The following SAMD11 variants were observed in gnomAD, a reference collection of about 807,000 sequenced individuals.
SAMD11 encodes the protein sterile alpha motif domain-containing protein 11.
A neutral mutation model predicts 64.4 loss-of-function variants in SAMD11; 77 were observed. The ratio of observed to expected loss-of-function variants is 1.20; its 90% CI spans 0.99 to 1.44. The LOEUF is 1.44. Ranked by LOEUF, SAMD11 falls within the 40% of genes most tolerant of loss-of-function variation. The probability of loss-of-function intolerance (pLI) is 0.00; values close to 1 mark genes in which losing one functional copy is unlikely to be tolerated. For synonymous variants in SAMD11, 658 were observed against 421.9 expected (o/e 1.56, Z -6.86); for missense variants, 1,402 against 943.3 (o/e 1.49, Z -6.37).
chr1:937,236 G>A (rs114890122), intron 5 of SAMD11, among the ~76,000 whole-genome samples: 3,674 of 152,150 alleles, frequency 0.024, 142 homozygotes, highest in African/African-American at 0.083. Context: ...TTCCCAGCCC[G>A]GGCCCTCCCG....
intron 5 of SAMD11, among the ~76,000 whole-genome samples, chr1:938,338 G>T (rs1366285689): frequency 1.3e-5 from 2 of 152,164 alleles, no homozygotes; most frequent in South Asian, 2.1e-4. Flanking sequence ...CTAGGGCTGG[G>T]CTGGCCTCGT....
chr1:942,049 A>G (rs1470354375), intron 8 of SAMD11, 87 bp from the exon 9 acceptor site: 1 of 447,788 alleles, frequency 2.2e-6, no homozygotes, highest in Non-Finnish European at 4.0e-6. Context: ...GGGGCCGGCA[A>G]TTAGCGGAGG....
rs564948160 is a variant in SAMD11, at chr1:930,428, G to A, written c.791+92G>A. ...CTGCTCAGATGAGAGTGTCCACACC[G>A]GCCTCCCACACCTTCCCTCAGATGC... On this transcript the variant is annotated intron_variant, in intron 3 of 13. Coordinates refer to ENST00000616016, the MANE Select transcript of SAMD11 (RefSeq NM_001385641.1). 304 of 1,342,752 alleles carry A rather than the reference G, an allele frequency of 2.3e-4. 1 individual carries two copies. The African/African-American group carries it at 4.1e-3, about 18-fold the overall frequency. The allele number at this position is 1,342,752 out of a possible 1,614,324, so 83.2% of individuals were successfully genotyped here. A position where few individuals can be genotyped will look rare whatever the true frequency, so the allele number is the denominator to read the frequency against.
At chr1:928,219 CG>C (rs759347561) in intron 2 of SAMD11, among the ~76,000 whole-genome samples, 1 of 152,012 alleles carries the variant, frequency 6.6e-6, no homozygotes, top group Non-Finnish European at 1.5e-5. Flanking sequence ...CGGTGAAACC[CG>C]TCTCTACTAA....
rs934780386 is a variant in SAMD11 at position 930,346 on chromosome 1, C to G, written c.791+10C>G. 15 of 1,594,058 alleles carry G rather than the reference C, an allele frequency of 9.4e-6. 1 individual carries two copies. The highest frequency in any genetic ancestry group is 1.3e-5 in the Non-Finnish European group (15 of 1,170,054). ...GTATCATGAAGAGAAGGTACTTGGA[C>G]CAGGGCCGGACAGGAAGGCGCAAGG... is the stretch of plus-strand genomic sequence containing the variant. On this transcript the variant is annotated intron_variant, in intron 3 of 13. Transcript: ENST00000616016.
chr1:943,200 G>A lies in SAMD11; in HGVS notation c.2054-53G>A, dbSNP rs1378349889. On this transcript the variant is annotated intron_variant, in intron 11 of 13. Coordinates refer to ENST00000616016, the MANE Select transcript of SAMD11 (RefSeq NM_001385641.1). ...TTGGGGCACACGACGGTCAGGAGACGGGCGGGTATGGGAAAGCCAGCCAGA... is the reference window on the plus strand; with the variant it reads ...TTGGGGCACACGACGGTCAGGAGACAGGCGGGTATGGGAAAGCCAGCCAGA... The A allele has an allele frequency of 5.0e-6, 8 of 1,609,534 alleles. No homozygotes were observed. The Admixed American group carries it at 5.0e-5, about 10-fold the overall frequency.
intron 7 of SAMD11, chr1:940,243 GGGGGAGGGGCGCCGGCCGCC>G (rs958770513): frequency 6.6e-6 from 1 of 151,362 alleles, no homozygotes; most frequent in Non-Finnish European, 1.5e-5. Flanking sequence ...CTGGCCGCGC[GGGGGAGGGGCGCCGGCCGCC>G]GGGGAGCGCG....
In SAMD11 at chr1:942,663, A is replaced by G. The variant is rs1641859052; in HGVS notation, c.1658A>G (p.Glu553Gly). 2 of 1,431,864 alleles carry G rather than the reference A, an allele frequency of 1.4e-6. No homozygotes were observed. The highest frequency in any genetic ancestry group is 1.8e-6 in the Non-Finnish European group (2 of 1,100,454). The allele number at this position is 1,431,864 out of a possible 1,614,324, so 88.7% of individuals were successfully genotyped here. Residue 553 changes from glutamate (E) to glycine (G), a missense_variant, in exon 11 of 14, where the codon GAG (glutamate) becomes GGG (glycine). Physicochemically the swap from Glu to Gly is moderately conservative, Grantham distance 98 (BLOSUM62 -2). Transcript: ENST00000616016. ...TALRPNDGAE[E>G]LQRRGALLVL... is the part of the protein sequence containing the mutation. The stretch of plus-strand genomic sequence containing the variant: ...CTGCGCCCCAACGACGGCGCCGAGG[A>G]GCTGCAGCGGCGCGGGGCCCTGCTG...
intron 7 of SAMD11, 85 bp from the exon 8 acceptor site, chr1:941,059 C>T: frequency 1.5e-6 from 2 of 1,293,574 alleles, no homozygotes; most frequent in Non-Finnish European, 2.2e-6. Flanking sequence ...GTCAGTTCCC[C>T]ACCTCAGTGT....
In SAMD11 at chr1:942,401, C is replaced by T. The variant is rs1353390870; in HGVS notation, c.1475-9C>T. On this transcript the variant is annotated splice_polypyrimidine_tract_variant and intron_variant, in intron 9 of 13. Coordinates refer to ENST00000616016, the MANE Select transcript of SAMD11 (RefSeq NM_001385641.1). ...CCCCCCGACCCCGCGTTGTCCCCCT[C>T]CCCACCAGGCTACGGCTTCCTGCCC... The T allele has an allele frequency of 3.4e-6, 5 of 1,458,660 alleles. No individual in the cohort carries two copies. The highest frequency in any genetic ancestry group is 2.9e-5 in the African/African-American group (2 of 67,884). The allele number at this position is 1,458,660 out of a possible 1,614,324, so 90.4% of individuals were successfully genotyped here.
chr1:931,538 G>A (rs1388918105), intron 4 of SAMD11, among the ~76,000 whole-genome samples: 2 of 152,228 alleles, frequency 1.3e-5, no homozygotes, highest in Non-Finnish European at 2.9e-5. Flanking sequence ...TGTCTGCAGA[G>A]TAGAGGAACA....
At chr1:943,193 A>G in intron 11 of SAMD11, 60 bp from the exon 12 acceptor site, 2 of 1,608,786 alleles carry the variant, frequency 1.2e-6, no homozygotes, top group East Asian at 2.2e-5. Context: ...CACGACGGTC[A>G]GGAGACGGGC....
chr1:924,567 C>A lies in SAMD11; in HGVS notation c.136C>A (p.Leu46Ile). ...YLAPLPAAAA[L>I]PPAASLPASA... is the part of the protein sequence containing the mutation. The stretch of plus-strand genomic sequence containing the variant: ...GGCGCCACTGCCCGCGGCGGCCGCC[C>A]TCCCCCCGGCCGCCTCGCTGCCCGC... The change falls in exon 1 of 14, where the codon CTC becomes ATC. Residue 46 changes from leucine (L) to isoleucine (I), a missense_variant. Transcript: ENST00000616016. 6.6e-6 allele frequency: 1 copy of A among 150,936 alleles called. No homozygotes were observed. Among genetic ancestry groups the A allele is most frequent in the South Asian group, 1.9e-4 (1 of 5,350 alleles). 9.3% of individuals were successfully genotyped at this position (150,936 alleles called of 1,614,324 possible).
At chr1:933,460 C>T (rs28532704) in intron 4 of SAMD11, among the ~76,000 whole-genome samples, 3,099 of 152,220 alleles carry the variant, frequency 0.02, 125 homozygotes, top group East Asian at 0.12. Context: ...TCCTTCTGGG[C>T]GCCAGGCTCG....
In SAMD11 at chr1:924,755, G is replaced by A. The variant is rs1640798268; in HGVS notation, c.324G>A (p.Leu108=). ...CCGCGGCCCCGGATTTCCAGCCGCT[G>A]CTGGACAACGGCGAGCCGTGCATCG... ...TAAAAPDFQP[L]LDNGEPCIEV... The change falls in exon 1 of 14, where the codon CTG becomes CTA. Residue 108 remains leucine (L), a synonymous_variant. Transcript: ENST00000616016. 2.0e-5 allele frequency: 3 copies of A among 152,128 alleles called. No individual in the cohort carries two copies. 9.4% of individuals were successfully genotyped at this position (152,128 alleles called of 1,614,324 possible).
intron 2 of SAMD11, among the ~76,000 whole-genome samples, chr1:929,134 C>A (rs528780276): frequency 7.9e-5 from 12 of 152,374 alleles, no homozygotes; most frequent in Non-Finnish European, 1.5e-4. Flanking sequence ...GACCTAGAAA[C>A]ACTGGAGGAG....
At chr1:925,138 C>G (rs947036843) in intron 1 of SAMD11, 190 bp downstream of exon 1, 2 of 152,330 alleles carry the variant, frequency 1.3e-5, no homozygotes, top group Non-Finnish European at 2.9e-5. Flanking sequence ...CACCTCCCCC[C>G]AGCTTGGGCC....
chr1:937,446 C>T (rs1641518041), intron 5 of SAMD11, among the ~76,000 whole-genome samples: 1 of 151,244 alleles, frequency 6.6e-6, no homozygotes, highest in South Asian at 2.1e-4. Flanking sequence ...AGGCCTTAGC[C>T]CCCCACAGAA....
rs1641611548 is a variant in SAMD11, at chr1:939,128, A to C, written c.1056A>C (p.Gln352His). 7 of 1,587,628 alleles carry C rather than the reference A, an allele frequency of 4.4e-6. No homozygotes were observed. Among genetic ancestry groups the C allele is most frequent in the Admixed American group, 1.8e-5 (1 of 55,958 alleles). The change falls in exon 6 of 14, where the codon CAA (glutamine) becomes CAC (histidine). Residue 352 changes from glutamine (Q) to histidine (H), a missense_variant and splice_region_variant. Gln to His is a conservative substitution (Grantham distance 24, BLOSUM62 0). Transcript: ENST00000616016. ...AGAGGGCACGAAGCGAATCGCCTCA[A>C]GGTAAGAGCGTGGCTGGGACGAGAG... is the stretch of plus-strand genomic sequence containing the variant. ...SEKRARSESP[Q>H]EALLLPRELG...
Sources: gnomAD v4.1 joint callset for allele counts (sites outside exome capture counted in the v4.1 genomes callset) on GRCh38, gnomAD v4.1.1 for gene constraint, MANE v1.5 for transcripts, NCBI Gene and HGNC (gene_info 2026-07-23, HGNC 2026-07-21) for gene names.